Variants in NME7 observed in about 807,000 individuals in gnomAD.
NME7 encodes nucleoside diphosphate kinase 7.
NME7 carries 41 observed loss-of-function variants against 49.1 expected under a neutral mutation model. The ratio of observed to expected loss-of-function variants is 0.83; its 90% confidence interval spans 0.65 to 1.08. NME7 has a LOEUF of 1.08. NME7 is among the 50% of genes least tolerant of loss of function. The probability of loss-of-function intolerance (pLI) is 0.00; values close to 1 mark genes in which losing one functional copy is unlikely to be tolerated. For synonymous variants in NME7, 139 were observed against 150.6 expected, an observed-to-expected ratio of 0.92 and a Z score of 0.56; for missense variants, 423 against 463.4, an observed-to-expected ratio of 0.91 and a Z score of 0.80.
chr1:169,235,167 G>T lies in NME7; in HGVS notation c.852C>A (p.Phe284Leu). The change falls in exon 9 of 12, where the codon TTC becomes TTA. Residue 284 changes from phenylalanine (F) to leucine (L), a missense_variant. By Grantham distance (22) the Phe-to-Leu change is conservative. Coordinates refer to ENST00000367811, the MANE Select transcript of NME7 (RefSeq NM_013330.5). ...FNMDRVNVEEFYEVYKGVVTE... is the reference protein window; with the variant it reads ...FNMDRVNVEELYEVYKGVVTE... ...TCACTACTCCTTTATAAACTTCATA[G>T]AATTCCTCAACATTAACCCGATCCA... 6.5e-7 allele frequency: 1 copy of T among 1,549,202 alleles called. No homozygotes were observed. Among genetic ancestry groups the T allele is most frequent in the Non-Finnish European group, 8.8e-7 (1 of 1,131,754 alleles).
At chr1:169,163,679 A>G (rs1282858131) in intron 11 of NME7, among the ~76,000 whole-genome samples, 2 of 152,194 alleles carry the variant, frequency 1.3e-5, no homozygotes, top group African/African-American at 4.8e-5. Context: ...GTAAAAAAAA[A>G]TGCCCTTTTA....
intron 1 of NME7, among the ~76,000 whole-genome samples, chr1:169,349,609 AC>A (rs1389267230): frequency 6.6e-6 from 1 of 152,182 alleles, no homozygotes; most frequent in African/African-American, 2.4e-5. Flanking sequence ...CTTTCTCATG[AC>A]ATTTTTAAAA....
At chr1:169,280,726 G>A (rs1404587112) in intron 7 of NME7, among the ~76,000 whole-genome samples, 1 of 147,752 alleles carries the variant, frequency 6.8e-6, no homozygotes, top group South Asian at 2.2e-4. Flanking sequence ...TTTCCCCATT[G>A]CTTGTGTGTG....
At chr1:169,162,604 G>T (rs954931908) in intron 11 of NME7, among the ~76,000 whole-genome samples, 2 of 152,076 alleles carry the variant, frequency 1.3e-5, no homozygotes, top group African/African-American at 2.4e-5. Context: ...AAAACGGTGG[G>T]AGGCTAAGGC....
chr1:169,197,493 C>T (rs1259927647), intron 10 of NME7, among the ~76,000 whole-genome samples: 1 of 152,044 alleles, frequency 6.6e-6, no homozygotes, highest in East Asian at 1.9e-4. Flanking sequence ...ATCAAATGTA[C>T]ACATGGCACA....
chr1:169,257,853 G>T (rs1433966779), intron 7 of NME7, among the ~76,000 whole-genome samples: 2 of 133,478 alleles, frequency 1.5e-5, no homozygotes, highest in African/African-American at 5.1e-5. Context: ...GAAGGCTAAA[G>T]ATAAAACTCC....
intron 10 of NME7, among the ~76,000 whole-genome samples, chr1:169,181,364 TACACACACACACAC>T (rs58453647): frequency 3.3e-5 from 3 of 91,574 alleles, no homozygotes; most frequent in Admixed American, 2.0e-4. Context: ...CTCAAATTCC[TACACACACACACAC>T]ACACACACAC....
intron 7 of NME7, among the ~76,000 whole-genome samples, chr1:169,242,909 TA>T (rs1288633146): frequency 6.6e-6 from 1 of 151,974 alleles, no homozygotes; most frequent in Non-Finnish European, 1.5e-5. Flanking sequence ...ATGAAAGAGC[TA>T]AATAAATGAA....
intron 7 of NME7, among the ~76,000 whole-genome samples, chr1:169,258,375 CAT>C (rs71121749): frequency 0.016 from 1,428 of 86,678 alleles, 174 homozygotes; most frequent in African/African-American, 0.022. Flanking sequence ...TAAAATAAAA[CAT>C]ATATATATAT....
chr1:169,313,768 G>A (rs930080129), intron 3 of NME7, among the ~76,000 whole-genome samples: 6 of 151,958 alleles, frequency 3.9e-5, no homozygotes, highest in Non-Finnish European at 7.4e-5. Context: ...CAGATACTAG[G>A]ATAATCAGAG....
At chr1:169,135,400 C>G (rs1395481340) in intron 11 of NME7, among the ~76,000 whole-genome samples, 1 of 152,096 alleles carries the variant, frequency 6.6e-6, no homozygotes, top group Non-Finnish European at 1.5e-5. Context: ...ATTAGTAACA[C>G]TTTGATATCT....
At position 169,150,274 on chromosome 1, in the gene NME7, A is replaced by G. The variant is rs1441158900; in HGVS notation, c.1099-17457T>C. On this transcript the variant is annotated intron_variant, in intron 11 of 11. Coordinates refer to ENST00000367811, the MANE Select transcript of NME7 (RefSeq NM_013330.5). The stretch of plus-strand genomic sequence containing the variant: ...AACAAATATTTTTGTGCTCTATAAG[A>G]CAGCTGAGAAAAATATATTTAAGAG... 2.6e-5 allele frequency among the ~76,000 whole-genome samples: 4 copies of G among 152,132 alleles called. No individual in the cohort carries two copies. In the South Asian group the frequency reaches 6.2e-4, roughly 24 times the overall value.
chr1:169,287,428 AT>A lies in NME7; in HGVS notation c.649-21del. Reference sequence around the variant, plus strand: ...CATTTCCTAAAGACAGAGAGAAATGATTTTGACAAATGTGATCTCTTATCTT... The same window carrying A: ...CATTTCCTAAAGACAGAGAGAAATGATTTGACAAATGTGATCTCTTATCTT... On this transcript the variant is annotated intron_variant, in intron 6 of 11. Transcript: ENST00000367811. 6.6e-7 allele frequency: 1 copy of A among 1,511,198 alleles called. No individual in the cohort carries two copies. The highest frequency in any genetic ancestry group is 9.0e-7 in the Non-Finnish European group (1 of 1,112,254). The allele number at this position is 1,511,198 out of a possible 1,614,324, so 93.6% of individuals were successfully genotyped here. A position where few individuals can be genotyped will look rare whatever the true frequency, so the allele number is the denominator to read the frequency against.
At chr1:169,305,644 G>C (rs891656965) in intron 4 of NME7, among the ~76,000 whole-genome samples, 7 of 152,158 alleles carry the variant, frequency 4.6e-5, no homozygotes, top group Non-Finnish European at 8.8e-5. Context: ...TCAGTATAAA[G>C]AGTAGGCTTG....
In NME7 at chr1:169,132,662, T is replaced by C. The variant is rs113442279; in HGVS notation, c.*123A>G. The C allele has an allele frequency of 1.2e-6, 1 of 853,972 alleles. No homozygotes were observed. 52.9% of individuals were successfully genotyped at this position (853,972 alleles called of 1,614,324 possible). ...GTAATAATTGCCAGGAGTACAGTGC[T>C]CTTGTTGATCTTGTATTCAGTCAGG... On this transcript the variant is annotated 3_prime_UTR_variant, in exon 12 of 12. Transcript: ENST00000367811.
At chr1:169,177,654 C>T in intron 10 of NME7, among the ~76,000 whole-genome samples, 1 of 152,100 alleles carries the variant, frequency 6.6e-6, no homozygotes, top group Non-Finnish European at 1.5e-5. Context: ...ACCTATAGTC[C>T]TGCATGCTCT....
chr1:169,303,627 C>G (rs773901386), intron 4 of NME7, among the ~76,000 whole-genome samples: 4 of 151,856 alleles, frequency 2.6e-5, no homozygotes, highest in Non-Finnish European at 4.4e-5. Context: ...AATTTTTGTA[C>G]TTTTACTAGA....
chr1:169,288,678 G>C (rs1650372353), intron 6 of NME7, among the ~76,000 whole-genome samples: 1 of 152,176 alleles, frequency 6.6e-6, no homozygotes, highest in Non-Finnish European at 1.5e-5. Context: ...AGCATTTCCA[G>C]TGGTAAGACA....
At chr1:169,164,154 C>T (rs968295393) in intron 11 of NME7, among the ~76,000 whole-genome samples, 1 of 151,206 alleles carries the variant, frequency 6.6e-6, no homozygotes, top group Non-Finnish European at 1.5e-5. Flanking sequence ...TGAGTCTGGA[C>T]GTCAGTATTT....
Sources: gnomAD v4.1 joint callset for allele counts (sites outside exome capture counted in the v4.1 genomes callset) on GRCh38, gnomAD v4.1.1 for gene constraint, MANE v1.5 for transcripts, NCBI Gene and HGNC (gene_info 2026-07-23, HGNC 2026-07-21) for gene names.